CHP1: variants seen among roughly 807,000 people sequenced by gnomAD.
CHP1 encodes the protein calcineurin like EF-hand protein 1.
CHP1 carries 11 observed loss-of-function variants against 27.4 expected under a neutral mutation model. That is an observed-to-expected ratio of 0.40 (90% CI 0.25 to 0.67). The LOEUF (loss-of-function observed/expected upper bound fraction) is 0.67. CHP1 is among the 30% of genes least tolerant of loss of function. The pLI is 0.38. For missense variants in CHP1, 169 were observed against 251.3 expected (o/e 0.67, Z 2.22); for synonymous variants, 89 against 87.4 (o/e 1.02, Z -0.10).
intron 2 of CHP1, among the ~76,000 whole-genome samples, chr15:41,245,906 A>G (rs1480189439): frequency 6.6e-6 from 1 of 152,090 alleles, no homozygotes; most frequent in East Asian, 1.9e-4. Flanking sequence ...GGCTTATCCT[A>G]TATCTTCTTG....
At chr15:41,234,046 C>G (rs536580559) in intron 1 of CHP1, 3 of 152,312 alleles carry the variant, frequency 2.0e-5, no homozygotes, top group East Asian at 3.9e-4. Context: ...AACTCCTGGG[C>G]TTAAGCCATC....
At chr15:41,233,215 G>A (rs926827424) in intron 1 of CHP1, among the ~76,000 whole-genome samples, 1 of 152,148 alleles carries the variant, frequency 6.6e-6, no homozygotes, top group African/African-American at 2.4e-5. Flanking sequence ...TAGGTCTAGG[G>A]TGACACCGAA....
intron 5 of CHP1, among the ~76,000 whole-genome samples, chr15:41,277,584 T>G (rs574765996): frequency 6.6e-6 from 1 of 152,136 alleles, no homozygotes; most frequent in Non-Finnish European, 1.5e-5. Flanking sequence ...GGTCAGGAGT[T>G]CGAGACCAGC....
rs1347603189 is a variant in CHP1, at chr15:41,231,469, G to A, written c.67+20G>A. 2 of 1,589,558 alleles carry A rather than the reference G, an allele frequency of 1.3e-6. No homozygotes were observed. Among genetic ancestry groups the A allele is most frequent in the African/African-American group, 1.3e-5 (1 of 74,654 alleles). On this transcript the variant is annotated intron_variant, in intron 1 of 6. Transcript: ENST00000334660. Reference sequence around the variant, plus strand: ...CCGGCTGTGAGTTCGGGTTGGGGGTGGGAACGCCGGGCGCCTCAGGCTGGC... The same window carrying A: ...CCGGCTGTGAGTTCGGGTTGGGGGTAGGAACGCCGGGCGCCTCAGGCTGGC...
intron 5 of CHP1, among the ~76,000 whole-genome samples, chr15:41,275,005 G>C (rs558915146): frequency 6.6e-6 from 1 of 151,984 alleles, no homozygotes; most frequent in Admixed American, 6.6e-5. Context: ...GGTCAGGCTG[G>C]TCTCCAACTC....
intron 3 of CHP1, among the ~76,000 whole-genome samples, chr15:41,257,490 T>A (rs1411956419): frequency 6.6e-6 from 1 of 151,378 alleles, no homozygotes; most frequent in Non-Finnish European, 1.5e-5. Flanking sequence ...GTAATATATA[T>A]TTTATTTAAT....
chr15:41,246,684 G>A (rs1267179131), intron 2 of CHP1, among the ~76,000 whole-genome samples: 1 of 124,284 alleles, frequency 8.0e-6, no homozygotes, highest in East Asian at 2.3e-4. Flanking sequence ...CCATGGTCTC[G>A]ATATCCTGAC....
chr15:41,238,807 G>A (rs139529051), intron 1 of CHP1, among the ~76,000 whole-genome samples: 134 of 152,114 alleles, frequency 8.8e-4, no homozygotes, highest in African/African-American at 2.9e-3. Context: ...AGCCAAGATC[G>A]CGCCACTGCA....
Position 41,247,989 on chromosome 15 carries a change from A to AAAATAAAT in CHP1, c.140+4265_140+4272dup, listed in dbSNP as rs34267162. Reference sequence around the variant, plus strand: ...GTCTCAAATAAAAAAATAAATAAATAAAATAAATAAATAAATAAATAAGTA... The same window carrying AAAATAAAT: ...GTCTCAAATAAAAAAATAAATAAATAAAATAAATAAATAAATAAATAAATAAATAAGTA... On this transcript the variant is annotated intron_variant, in intron 2 of 6. Transcript: ENST00000334660. 2.8e-3 allele frequency among the ~76,000 whole-genome samples: 419 copies of AAAATAAAT among 149,894 alleles called. 2 individuals are homozygous for AAAATAAAT. Among genetic ancestry groups the AAAATAAAT allele is most frequent in the African/African-American group, 9.3e-3 (379 of 40,564 alleles).
At chr15:41,232,402 G>A (rs1355849452) in intron 1 of CHP1, among the ~76,000 whole-genome samples, 1 of 151,790 alleles carries the variant, frequency 6.6e-6, no homozygotes, top group African/African-American at 2.4e-5. Context: ...GTAGAGATGG[G>A]GTTTCACTAT....
In CHP1 at chr15:41,231,426, A is replaced by C; in HGVS notation, c.44A>C (p.Glu15Ala). The C allele has an allele frequency of 6.2e-7, 1 of 1,604,454 alleles. No homozygotes were observed. The highest frequency in any genetic ancestry group is 8.5e-7 in the Non-Finnish European group (1 of 1,176,638). Residue 15 changes from glutamate to alanine, a missense_variant, in exon 1 of 7, where the codon GAG becomes GCG. Coordinates refer to ENST00000334660, the MANE Select transcript of CHP1 (RefSeq NM_007236.5). ...ASTLLRDEELEEIKKETGFSH... is the reference protein window; with the variant it reads ...ASTLLRDEELAEIKKETGFSH... ...ACGTTACTGCGGGACGAAGAGCTCG[A>C]GGAGATCAAGAAGGAGACCGGCTGT... is the stretch of plus-strand genomic sequence containing the variant.
chr15:41,258,387 G>T (rs1264181165), intron 3 of CHP1, among the ~76,000 whole-genome samples: 1 of 151,942 alleles, frequency 6.6e-6, no homozygotes, highest in African/African-American at 2.4e-5. Context: ...ATATTATCCA[G>T]TTTATTCTAA....
chr15:41,257,461 TAAA>T (rs978908598), intron 3 of CHP1, among the ~76,000 whole-genome samples: 3 of 151,784 alleles, frequency 2.0e-5, no homozygotes, highest in African/African-American at 7.2e-5. Context: ...ATTTAAAAAG[TAAA>T]AATAAGTTAA....
chr15:41,250,359 A>T (rs908143833), intron 2 of CHP1, among the ~76,000 whole-genome samples: 1 of 152,096 alleles, frequency 6.6e-6, no homozygotes, highest in African/African-American at 2.4e-5. Flanking sequence ...AGATGCCATT[A>T]TTTTGGGTAA....
intron 2 of CHP1, among the ~76,000 whole-genome samples, chr15:41,244,782 A>G (rs189629333): frequency 7.2e-5 from 11 of 152,356 alleles, no homozygotes; most frequent in African/African-American, 2.6e-4. Context: ...TTGTCTTACC[A>G]TAATCAAATG....
intron 3 of CHP1, among the ~76,000 whole-genome samples, chr15:41,261,284 A>G (rs1246414209): frequency 6.6e-6 from 1 of 151,666 alleles, no homozygotes; most frequent in Non-Finnish European, 1.5e-5. Flanking sequence ...CCTCCCGAGT[A>G]GCTGGGATTA....
At chr15:41,237,058 TGACC>T (rs1298460109) in intron 1 of CHP1, among the ~76,000 whole-genome samples, 4 of 151,958 alleles carry the variant, frequency 2.6e-5, no homozygotes, top group Admixed American at 2.0e-4. Context: ...CTCGAACTCC[TGACC>T]TCAGGTGATC....
At chr15:41,236,727 C>G (rs1201047704) in intron 1 of CHP1, among the ~76,000 whole-genome samples, 1 of 152,146 alleles carries the variant, frequency 6.6e-6, no homozygotes, top group Non-Finnish European at 1.5e-5. Flanking sequence ...GAACTCTTTA[C>G]CCCTTCATAC....
chr15:41,240,944 C>A (rs1430781422), intron 1 of CHP1, among the ~76,000 whole-genome samples: 1 of 151,500 alleles, frequency 6.6e-6, no homozygotes, highest in Admixed American at 6.6e-5. Context: ...CCTTCGCCTC[C>A]CTGGTTCAAG....
Sources: allele counts gnomAD v4.1 joint callset (sites outside exome capture counted in the v4.1 genomes callset), GRCh38; gene constraint gnomAD v4.1.1; transcripts MANE v1.5; gene names NCBI Gene and HGNC (gene_info 2026-07-23, HGNC 2026-07-21).